NME7: variants seen among roughly 807,000 people sequenced by gnomAD.
NME7 encodes NME/NM23 family member 7, also known as nucleoside diphosphate kinase 7.
Under a neutral mutation model 49.1 loss-of-function variants are expected in NME7, and 41 were observed. The observed-to-expected ratio is 0.83, with a 90% CI of 0.65 to 1.08. The LOEUF is 1.08. Among genes scored for constraint, NME7 ranks in the 50% least tolerant of loss-of-function variants. The pLI, the probability that NME7 is intolerant of heterozygous loss-of-function variation, is 0.00. For synonymous variants in NME7, 139 were observed against 150.6 expected (o/e 0.92, Z 0.56); for missense variants, 423 against 463.4 (o/e 0.91, Z 0.80).
intron 1 of NME7, among the ~76,000 whole-genome samples, chr1:169,349,763 C>A (rs1245045470): frequency 1.3e-5 from 2 of 152,108 alleles, no homozygotes; most frequent in African/African-American, 4.8e-5. Flanking sequence ...CTAATCCTTT[C>A]TTTAAGGCTA....
intron 1 of NME7, among the ~76,000 whole-genome samples, chr1:169,333,948 G>C (rs1652362968): frequency 6.6e-6 from 1 of 152,046 alleles, no homozygotes; most frequent in South Asian, 2.1e-4. Context: ...AATTCTAACA[G>C]TGCACTGAAA....
intron 11 of NME7, among the ~76,000 whole-genome samples, chr1:169,157,271 C>T (rs995245334): frequency 1.3e-5 from 2 of 152,104 alleles, no homozygotes; most frequent in African/African-American, 2.4e-5. Context: ...GACTAAAAGC[C>T]TGCAATATGT....
intron 6 of NME7, among the ~76,000 whole-genome samples, chr1:169,292,039 G>GAT (rs1283639571): frequency 6.6e-6 from 1 of 151,836 alleles, no homozygotes; most frequent in African/African-American, 2.4e-5. Flanking sequence ...AATTGACCCA[G>GAT]ATATATATAT....
chr1:169,168,788 T>C (rs1457585115), intron 11 of NME7: 30 of 446,086 alleles, frequency 6.7e-5, no homozygotes, highest in South Asian at 4.8e-4. Context: ...AGTATCTATA[T>C]ATATGTTATG....
chr1:169,291,366 T>C (rs887125375), intron 6 of NME7, among the ~76,000 whole-genome samples: 1 of 152,100 alleles, frequency 6.6e-6, no homozygotes. Context: ...TGCATGGACA[T>C]GGATGAAGCT....
chr1:169,139,105 G>A (rs937849418), intron 11 of NME7, among the ~76,000 whole-genome samples: 4 of 152,146 alleles, frequency 2.6e-5, no homozygotes, highest in African/African-American at 9.7e-5. Flanking sequence ...TTCTCTGAGA[G>A]TTTTCTCATC....
chr1:169,359,831 C>T (rs1253500884), intron 1 of NME7, among the ~76,000 whole-genome samples: 1 of 152,022 alleles, frequency 6.6e-6, no homozygotes, highest in Non-Finnish European at 1.5e-5. Flanking sequence ...AGGCACAGCA[C>T]ATAAGATGAG....
rs202030909 is a variant in NME7 at position 169,169,565 on chromosome 1, T to A, written c.991-11A>T. On this transcript the variant is annotated splice_polypyrimidine_tract_variant and intron_variant, in intron 10 of 11. Coordinates refer to ENST00000367811, the MANE Select transcript of NME7 (RefSeq NM_013330.5). ...ATGCCGGGCAATTTCCTATTAAACA[T>A]ACATTCACATATAGATTAATGTTAG... The A allele has an allele frequency of 6.2e-6, 10 of 1,604,124 alleles. No homozygotes were observed. The highest frequency in any genetic ancestry group is 7.7e-6 in the Non-Finnish European group (9 of 1,171,168).
At chr1:169,301,221 T>A (rs1241079806) in intron 5 of NME7, among the ~76,000 whole-genome samples, 1 of 151,826 alleles carries the variant, frequency 6.6e-6, no homozygotes, top group Non-Finnish European at 1.5e-5. Flanking sequence ...CGACCTTAAA[T>A]AATCAAACAA....
intron 1 of NME7, among the ~76,000 whole-genome samples, chr1:169,347,443 CA>C (rs1557833815): frequency 6.8e-6 from 1 of 148,054 alleles, no homozygotes; most frequent in Non-Finnish European, 1.5e-5. Flanking sequence ...GCAAGTTTAA[CA>C]AACAAAGCCA....
intron 10 of NME7, among the ~76,000 whole-genome samples, chr1:169,225,396 C>T (rs937076334): frequency 3.3e-5 from 5 of 152,124 alleles, no homozygotes; most frequent in African/African-American, 1.2e-4. Context: ...GGTGGAACCA[C>T]CCTGCTCGGT....
chr1:169,188,057 G>C (rs1199170525), intron 10 of NME7, among the ~76,000 whole-genome samples: 1 of 152,130 alleles, frequency 6.6e-6, no homozygotes, highest in Non-Finnish European at 1.5e-5. Flanking sequence ...TTTTCTTTAA[G>C]AATGTTGAAT....
chr1:169,231,650 C>G (rs149364336), intron 9 of NME7, among the ~76,000 whole-genome samples: 1 of 151,426 alleles, frequency 6.6e-6, no homozygotes, highest in Non-Finnish European at 1.5e-5. Context: ...CCAAACAACT[C>G]AGAGACAGCA....
At chr1:169,347,073 T>C (rs183361713) in intron 1 of NME7, among the ~76,000 whole-genome samples, 1 of 152,198 alleles carries the variant, frequency 6.6e-6, no homozygotes, top group East Asian at 1.9e-4. Flanking sequence ...TAGCCAGACA[T>C]CATAGCTCGT....
At chr1:169,200,793 C>T (rs1208370) in intron 10 of NME7, among the ~76,000 whole-genome samples, 96,570 of 152,052 alleles carry the variant, frequency 0.64, 30,991 homozygotes, top group East Asian at 0.93. Context: ...TCTTCTGTTT[C>T]CTGACCCACC....
chr1:169,237,157 C>T (rs189698432), intron 8 of NME7, among the ~76,000 whole-genome samples: 2 of 152,070 alleles, frequency 1.3e-5, no homozygotes, highest in African/African-American at 4.8e-5. Context: ...TACACTAACT[C>T]CAAAGACAGT....
intron 10 of NME7, among the ~76,000 whole-genome samples, chr1:169,196,348 T>C (rs978488444): frequency 3.9e-5 from 6 of 152,308 alleles, no homozygotes; most frequent in Non-Finnish European, 7.4e-5. Context: ...CAGACAGGCT[T>C]CCTTCTCAAA....
chr1:169,262,701 C>T (rs1228771711), intron 7 of NME7, among the ~76,000 whole-genome samples: 1 of 133,092 alleles, frequency 7.5e-6, no homozygotes, highest in African/African-American at 2.5e-5. Flanking sequence ...GAGTGACAGC[C>T]CCCAGGGGGA....
intron 11 of NME7, among the ~76,000 whole-genome samples, chr1:169,146,872 T>C (rs1658770888): frequency 6.6e-6 from 1 of 152,164 alleles, no homozygotes; most frequent in Non-Finnish European, 1.5e-5. Context: ...ATAAGGACAA[T>C]GGGGACAAAG....
Sources: allele counts gnomAD v4.1 joint callset (sites outside exome capture counted in the v4.1 genomes callset), GRCh38; gene constraint gnomAD v4.1.1; transcripts MANE v1.5; gene names NCBI Gene and HGNC (gene_info 2026-07-23, HGNC 2026-07-21).